MEMO1: variants seen among roughly 807,000 people sequenced by gnomAD.
The protein encoded by MEMO1 is protein MEMO1.
MEMO1 carries 6 observed loss-of-function variants against 45.2 expected under a neutral mutation model. The ratio of observed to expected loss-of-function variants is 0.13; its 90% CI spans 0.07 to 0.26. The LOEUF (loss-of-function observed/expected upper bound fraction) is 0.26, where lower values mean the gene tolerates loss of function less well. MEMO1 is among the 10% of genes least tolerant of loss of function. MEMO1 has a pLI of 1.00. For synonymous variants in MEMO1, 78 were observed against 124.3 expected, an observed-to-expected ratio of 0.63 and a Z score of 2.48; for missense variants, 184 against 370.5, an observed-to-expected ratio of 0.50 and a Z score of 4.13.
intron 4 of MEMO1, among the ~76,000 whole-genome samples, chr2:31,922,205 G>A (rs751980630): frequency 1.6e-4 from 24 of 152,086 alleles, no homozygotes; most frequent in Non-Finnish European, 2.8e-4. Context: ...TTGCAGGCCA[G>A]GGAATGTGTG....
intron 8 of MEMO1, among the ~76,000 whole-genome samples, chr2:31,875,471 C>T (rs551019520): frequency 3.9e-5 from 6 of 152,304 alleles, no homozygotes; most frequent in Admixed American, 6.5e-5. Context: ...TAATGATCTA[C>T]TGAGACCTCC....
chr2:31,874,942 A>G (rs1674349181), intron 8 of MEMO1, among the ~76,000 whole-genome samples: 2 of 152,040 alleles, frequency 1.3e-5, no homozygotes, highest in Non-Finnish European at 2.9e-5. Flanking sequence ...TAGGTAATAT[A>G]AACACACCTA....
At chr2:31,924,958 C>G (rs952920552) in intron 4 of MEMO1, among the ~76,000 whole-genome samples, 1 of 152,150 alleles carries the variant, frequency 6.6e-6, no homozygotes, top group Non-Finnish European at 1.5e-5. Flanking sequence ...TTGCTTAAAG[C>G]CTTTTATGGC....
chr2:31,943,324 G>T lies in MEMO1; in HGVS notation c.121C>A (p.Pro41Thr), dbSNP rs1349896833. Reference sequence around the variant, plus strand: ...TACGGGGCAATAATGGCTCTAGCAGGTCTTTTTGTAGACTGTACTTGTGAA... The same window carrying T: ...TACGGGGCAATAATGGCTCTAGCAGTTCTTTTTGTAGACTGTACTTGTGAA... Reference protein sequence around the residue: ...WLSQVQSTKRPARAIIAPHAG... With the variant: ...WLSQVQSTKRTARAIIAPHAG... The change falls in exon 3 of 10, where the codon CCT (proline) becomes ACT (threonine). Residue 41 changes from proline to threonine, a missense_variant. Physicochemically the swap from Pro to Thr is conservative, Grantham distance 38. Around this residue, in one of 3 missense-constraint regions of MEMO1, gnomAD observed 27 missense variants for 82.1 expected, o/e 0.33. Transcript: ENST00000404530. 6.2e-7 allele frequency: 1 copy of T among 1,613,454 alleles called. No individual in the cohort carries two copies. Among genetic ancestry groups the T allele is most frequent in the Admixed American group, 1.7e-5 (1 of 60,002 alleles).
chr2:31,996,230 G>A (rs1460501182), intron 2 of MEMO1, among the ~76,000 whole-genome samples: 4 of 151,454 alleles, frequency 2.6e-5, no homozygotes, highest in African/African-American at 9.7e-5. Flanking sequence ...AAGAGAGAGA[G>A]AGAGAAAGAA....
intron 2 of MEMO1, among the ~76,000 whole-genome samples, chr2:31,982,504 C>T (rs753197513): frequency 6.7e-6 from 1 of 149,200 alleles, no homozygotes; most frequent in Non-Finnish European, 1.5e-5. Flanking sequence ...GCAGGAGAAT[C>T]GTTTGAACCC....
intron 2 of MEMO1, among the ~76,000 whole-genome samples, chr2:31,977,677 C>T (rs1445563052): frequency 1.3e-5 from 2 of 151,900 alleles, no homozygotes; most frequent in East Asian, 1.9e-4. Flanking sequence ...CCACTGCCAC[C>T]GCCACCACCA....
At chr2:32,000,230 CTTAT>C (rs1272795650) in intron 2 of MEMO1, among the ~76,000 whole-genome samples, 3 of 150,858 alleles carry the variant, frequency 2.0e-5, no homozygotes, top group African/African-American at 2.4e-5. Context: ...TTCCTTTTTA[CTTAT>C]TTTTTTTTTT....
At chr2:32,000,179 C>G (rs1673106742) in intron 2 of MEMO1, among the ~76,000 whole-genome samples, 1 of 151,928 alleles carries the variant, frequency 6.6e-6, no homozygotes, top group South Asian at 2.1e-4. Flanking sequence ...AGCCACAGCA[C>G]CCAGCTCAAG....
chr2:31,986,842 G>A lies in MEMO1; in HGVS notation c.61+23345C>T, dbSNP rs145929352. Among the ~76,000 whole-genome samples the A allele has an allele frequency of 6.0e-3, 914 of 152,246 alleles. 12 individuals carry two copies. Among genetic ancestry groups the A allele is most frequent in the African/African-American group, 0.021 (854 of 41,548 alleles). ...GACTACTTCCAAAAAAACAGGAAAG[G>A]CACCTTTAAGTACGCGACAACTAAA... On this transcript the variant is annotated intron_variant, in intron 2 of 9. Coordinates refer to ENST00000404530, the MANE Select transcript of MEMO1 (RefSeq NM_001301833.4).
chr2:31,958,975 T>G (rs1003059053), intron 2 of MEMO1, among the ~76,000 whole-genome samples: 1 of 152,150 alleles, frequency 6.6e-6, no homozygotes, highest in East Asian at 1.9e-4. Flanking sequence ...AAAGTTAGAC[T>G]AGAACTGTGT....
chr2:31,995,142 G>C (rs186660160), intron 2 of MEMO1, among the ~76,000 whole-genome samples: 32 of 152,062 alleles, frequency 2.1e-4, no homozygotes, highest in African/African-American at 7.5e-4. Context: ...AAATCTAAAT[G>C]ACATGAATAT....
At chr2:31,893,276 C>T in intron 6 of MEMO1, 2 of 1,116,214 alleles carry the variant, frequency 1.8e-6, no homozygotes, top group Non-Finnish European at 2.3e-6. Context: ...TCATACAGAT[C>T]TCCAGTCCCT....
At chr2:31,921,160 G>T (rs1682265960) in intron 4 of MEMO1, among the ~76,000 whole-genome samples, 2 of 152,108 alleles carry the variant, frequency 1.3e-5, no homozygotes, top group Admixed American at 1.3e-4. Flanking sequence ...CCATTAGAGT[G>T]GGGACCTCAT....
At chr2:31,899,679 C>T (rs950217964) in intron 6 of MEMO1, among the ~76,000 whole-genome samples, 1 of 152,174 alleles carries the variant, frequency 6.6e-6, no homozygotes, top group Admixed American at 6.5e-5. Flanking sequence ...CCAAAATTGA[C>T]AAATGAGATC....
At chr2:31,928,392 A>T (rs1279058174) in intron 4 of MEMO1, among the ~76,000 whole-genome samples, 2 of 152,162 alleles carry the variant, frequency 1.3e-5, no homozygotes, top group Admixed American at 1.3e-4. Flanking sequence ...AAAATAAAAA[A>T]ATTAGCCAGG....
chr2:31,922,835 G>A (rs1682516814), intron 4 of MEMO1, among the ~76,000 whole-genome samples: 2 of 151,994 alleles, frequency 1.3e-5, no homozygotes, highest in South Asian at 2.1e-4. Context: ...ATATTACATA[G>A]TGTATATATG....
chr2:32,003,262 AAAAC>A (rs1298641053), intron 2 of MEMO1, among the ~76,000 whole-genome samples: 1 of 152,220 alleles, frequency 6.6e-6, no homozygotes, highest in African/African-American at 2.4e-5. Flanking sequence ...AGAATTAATG[AAAAC>A]AAAAACTAAA....
chr2:31,940,691 C>T (rs759891512), intron 3 of MEMO1, among the ~76,000 whole-genome samples: 1 of 152,130 alleles, frequency 6.6e-6, no homozygotes, highest in Non-Finnish European at 1.5e-5. Context: ...ACAGTTGCAT[C>T]CCATCACATC....
Sources: allele counts gnomAD v4.1 joint callset (sites outside exome capture counted in the v4.1 genomes callset), GRCh38; gene constraint gnomAD v4.1.1; regional missense constraint gnomAD v4.1.1; transcripts MANE v1.5; gene names NCBI Gene and HGNC (gene_info 2026-07-23, HGNC 2026-07-21).